ABCA2: variants seen among roughly 807,000 people sequenced by gnomAD.
The protein encoded by ABCA2 is ATP binding cassette subfamily A member 2.
Under a neutral mutation model 262.8 loss-of-function variants are expected in ABCA2, and 84 were observed. The ratio of observed to expected loss-of-function variants is 0.32; its 90% CI spans 0.27 to 0.38. The LOEUF (loss-of-function observed/expected upper bound fraction) is 0.38. Among genes scored for constraint, ABCA2 ranks in the 10% least tolerant of loss-of-function variants. The pLI, the probability that ABCA2 is intolerant of heterozygous loss-of-function variation, is 1.00. For missense variants in ABCA2, 2,662 were observed against 3,405.9 expected (o/e 0.78, Z 5.44); for synonymous variants, 1,696 against 1,502.9 (o/e 1.13, Z -2.97).
chr9:137,018,952 A>G lies in ABCA2; in HGVS notation c.1673T>C (p.Leu558Pro). 1.2e-6 allele frequency: 2 copies of G among 1,612,982 alleles called. No individual in the cohort carries two copies. Among genetic ancestry groups the G allele is most frequent in the Non-Finnish European group, 1.7e-6 (2 of 1,179,874 alleles). Residue 558 changes from leucine to proline, a missense_variant, in exon 12 of 49, where the codon CTG (leucine) becomes CCG (proline). Transcript: ENST00000341511. The part of the protein sequence containing the change: ...LPSGMALLQQ[L>P]DTIDNAACGW... ...GCAGGCCGCGTTGTCAATGGTATCC[A>G]GCTGCTGCAGGAGGGCCATGCCACT... is the stretch of plus-strand genomic sequence containing the variant.
Position 137,025,595 on chromosome 9 carries a change from G to A in ABCA2, c.67-1359C>T, listed in dbSNP as rs564117230. On this transcript the variant is annotated intron_variant, in intron 1 of 48. Coordinates refer to ENST00000341511, the MANE Select transcript of ABCA2 (RefSeq NM_001606.5). ...CCCATGCCCGCCCCAGCCCGTGCCAGCCTCCACCCGCTCCCTGAGCCAGGA... is the reference window on the plus strand; with the variant it reads ...CCCATGCCCGCCCCAGCCCGTGCCAACCTCCACCCGCTCCCTGAGCCAGGA... Among the ~76,000 whole-genome samples, 5 of 152,346 alleles carry A rather than the reference G, an allele frequency of 3.3e-5. No homozygotes were observed. In the South Asian group the frequency reaches 6.2e-4, roughly 19 times the overall value.
chr9:137,013,276 G>T lies in ABCA2; in HGVS notation c.4593C>A (p.Ser1531Arg). Residue 1531 changes from serine (S) to arginine (R), a missense_variant, in exon 30 of 49, where the codon AGC (serine) becomes AGA (arginine). Coordinates refer to ENST00000341511, the MANE Select transcript of ABCA2 (RefSeq NM_001606.5). ...CCACCCCCGACGGCAGCCGGAACGT[G>T]CTCACGAGCTGCTGGGGGCTGGCGT... Reference protein sequence around the residue: ...SPDASPQQLVSTFRLPSGVGA... With the variant: ...SPDASPQQLVRTFRLPSGVGA... The T allele has an allele frequency of 6.3e-6, 10 of 1,584,318 alleles. No individual in the cohort carries two copies. The highest frequency in any genetic ancestry group is 8.5e-6 in the Non-Finnish European group (10 of 1,171,028).
At position 137,017,354 on chromosome 9, in the gene ABCA2, G is replaced by A. The variant is rs780662760; in HGVS notation, c.2403-8C>T. 3 of 1,612,194 alleles carry A rather than the reference G, an allele frequency of 1.9e-6. No homozygotes were observed. The highest frequency in any genetic ancestry group is 2.5e-6 in the Non-Finnish European group (3 of 1,179,754). The stretch of plus-strand genomic sequence containing the variant: ...AGCACAGACACCAGGAAGCTGGGTG[G>A]GCAGGGGCCACGCGCACCGTCATCC... On this transcript the variant is annotated splice_polypyrimidine_tract_variant and splice_region_variant and intron_variant, in intron 17 of 48. Transcript: ENST00000341511.
Position 137,013,555 on chromosome 9 carries a change from G to T in ABCA2, c.4456C>A (p.Pro1486Thr), listed in dbSNP as rs1352121996. 6.2e-7 allele frequency: 1 copy of T among 1,608,366 alleles called. No individual in the cohort carries two copies. Among genetic ancestry groups the T allele is most frequent in the Non-Finnish European group, 8.5e-7 (1 of 1,178,916 alleles). Residue 1486 changes from proline to threonine, a missense_variant, in exon 29 of 49, where the codon CCC (proline) becomes ACC (threonine). By Grantham distance (38) the Pro-to-Thr change is conservative. Around this residue, in one of 12 missense-constraint regions of ABCA2, gnomAD observed 75 missense variants for 118.3 expected, o/e 0.63. Transcript: ENST00000341511. ...TGGGAAGGTGACAGGACCAGCGGGG[G>T]CAGATCACCTGGCAGGGCGAGCAGG... The part of the protein sequence containing the change: ...ALSVPEIGDL[P>T]PLVLSPSQYH...
rs559737748 is a variant in ABCA2 at position 137,012,878 on chromosome 9, C to G, written c.4915G>C (p.Val1639Leu). Residue 1639 changes from valine (V) to leucine (L), a missense_variant, in exon 31 of 49, where the codon GTC becomes CTC. Physicochemically the swap from Val to Leu is conservative, Grantham distance 32. This residue lies in a region of ABCA2 where 192 missense variants were observed against 207.2 expected (regional missense o/e 0.93). Transcript: ENST00000341511. ...CCCTGCGCAGAGCAGGTGCAGCGGA[C>G]GGGCTCCCGTACCAGGCGCGGCAGG... ...PSLPRLVREP[V>L]RCTCSAQGTG... 1.3e-6 allele frequency: 2 copies of G among 1,583,512 alleles called. No homozygotes were observed. The highest frequency in any genetic ancestry group is 2.7e-5 in the African/African-American group (2 of 74,314).
In ABCA2 at chr9:137,012,250, C is replaced by T; in HGVS notation, c.5299+15G>A. ...CTCCTCCCCGCCCCGCCCCGCCCTGCCTATGTCAGCTCACCGTAAGCCGCC... is the reference window on the plus strand; with the variant it reads ...CTCCTCCCCGCCCCGCCCCGCCCTGTCTATGTCAGCTCACCGTAAGCCGCC... On this transcript the variant is annotated intron_variant, in intron 33 of 48. Coordinates refer to ENST00000341511, the MANE Select transcript of ABCA2 (RefSeq NM_001606.5). 1 of 1,595,672 alleles carries T rather than the reference C, an allele frequency of 6.3e-7. No homozygotes were observed. The highest frequency in any genetic ancestry group is 8.6e-7 in the Non-Finnish European group (1 of 1,169,018).
Position 137,009,751 on chromosome 9 carries a change from C to G in ABCA2, c.6630+18G>C, listed in dbSNP as rs765289037. On this transcript the variant is annotated intron_variant, in intron 43 of 48. Transcript: ENST00000341511. ...AGTCAAAGGCCAGGCAGCCACCCCC[C>G]ACCCACCCAGGACTTACCAGGAAGA... 7.5e-6 allele frequency: 12 copies of G among 1,608,860 alleles called. No individual in the cohort carries two copies. Among genetic ancestry groups the G allele is most frequent in the South Asian group, 3.3e-5 (3 of 90,868 alleles).
chr9:137,011,394 G>A lies in ABCA2; in HGVS notation c.5799+13C>T, dbSNP rs765832338. 105 of 1,608,984 alleles carry A rather than the reference G, an allele frequency of 6.5e-5. No individual in the cohort carries two copies. Among genetic ancestry groups the A allele is most frequent in the African/African-American group, 1.1e-4 (8 of 74,868 alleles). On this transcript the variant is annotated intron_variant, in intron 37 of 48. Coordinates refer to ENST00000341511, the MANE Select transcript of ABCA2 (RefSeq NM_001606.5). This position sits in a 1 kb window ranked among gnomAD's most constrained non-coding sequence, Gnocchi z 8.8. ...CAGGGTCCGCCACCCCCACCATGTC[G>A]TCACCGCCCCACCTTGTCGTGCTCG...
In ABCA2 at chr9:137,011,664, G is replaced by A. The variant is rs1831049188; in HGVS notation, c.5621C>T (p.Pro1874Leu). 6.4e-7 allele frequency: 1 copy of A among 1,554,770 alleles called. No individual in the cohort carries two copies. The highest frequency in any genetic ancestry group is 8.7e-7 in the Non-Finnish European group (1 of 1,149,700). The change falls in exon 36 of 49, where the codon CCT becomes CTT. Residue 1874 changes from proline to leucine, a missense_variant. Physicochemically the swap from Pro to Leu is moderately conservative, Grantham distance 98 (BLOSUM62 -3). Transcript: ENST00000341511. This position sits in a 1 kb window ranked among gnomAD's most constrained non-coding sequence, Gnocchi z 8.8. ...LPAYTSPTNF[P>L]AVLSLFLLYG... ...GAGCAGGAAGAGGGAGAGGACGGCAGGGAAGTTGGTGGGCGACGTGTAGGC... is the reference window on the plus strand; with the variant it reads ...GAGCAGGAAGAGGGAGAGGACGGCAAGGAAGTTGGTGGGCGACGTGTAGGC...
intron 46 of ABCA2, 32 bp from the exon 47 acceptor site, chr9:137,008,900 G>GCCCCCCCCCCCCCCCAGCCCCC (rs59031144): frequency 1.3e-6 from 2 of 1,556,492 alleles, no homozygotes; most frequent in Non-Finnish European, 8.7e-7. Context: ...GCCTGGCAGC[G>GCCCCCCCCCCCCCCCAGCCCCC]CCCCCCCACC....
chr9:137,028,715 A>T (rs1467070802), upstream of ABCA2: 1 of 1,255,626 alleles, frequency 8.0e-7, no homozygotes, highest in Non-Finnish European at 1.0e-6. This position sits in a 1 kb window ranked among gnomAD's most constrained non-coding sequence, Gnocchi z 6.9. Context: ...GGTGGTGCCC[A>T]CCTGGAAGGG....
chr9:137,017,590 G>A lies in ABCA2; in HGVS notation c.2314C>T (p.Leu772=). 2 of 1,612,776 alleles carry A rather than the reference G, an allele frequency of 1.2e-6. No individual in the cohort carries two copies. The highest frequency in any genetic ancestry group is 1.7e-6 in the Non-Finnish European group (2 of 1,179,928). The change falls in exon 17 of 49, where the codon CTG becomes TTG. Residue 772 remains leucine, a synonymous_variant. Coordinates refer to ENST00000341511, the MANE Select transcript of ABCA2 (RefSeq NM_001606.5). The part of the protein sequence containing the change: ...SISVTALTAI[L]KYGQVLMHSH... ...TGCATAAGCACCTGGCCGTACTTCAGGATGGCGGTGAGTGCTGTCACGGAG... is the reference window on the plus strand; with the variant it reads ...TGCATAAGCACCTGGCCGTACTTCAAGATGGCGGTGAGTGCTGTCACGGAG...
chr9:137,009,332 G>GGCCCCC, intron 45 of ABCA2, 38 bp downstream of exon 45: 2 of 980,408 alleles, frequency 2.0e-6, no homozygotes, highest in South Asian at 1.4e-5. Context: ...CCCCCCCCGG[G>GGCCCCC]CCCGCCCCAG....
Position 137,016,951 on chromosome 9 carries a change from G to A in ABCA2, c.2727C>T (p.Ile909=), listed in dbSNP as rs768331377. Residue 909 remains isoleucine, a synonymous_variant, in exon 19 of 49, where the codon ATC becomes ATT. Coordinates refer to ENST00000341511, the MANE Select transcript of ABCA2 (RefSeq NM_001606.5). The stretch of plus-strand genomic sequence containing the variant: ...GCACAGCCTCAATGTACCACGTGAG[G>A]ATGCCATAGACCACGGCGTCCACCA... ...MLMVDAVVYG[I]LTWYIEAVHP... is the part of the protein sequence containing the mutation. 2.1e-5 allele frequency: 34 copies of A among 1,612,608 alleles called. No individual in the cohort carries two copies. Among genetic ancestry groups the A allele is most frequent in the East Asian group, 4.5e-5 (2 of 44,878 alleles).
Position 137,016,478 on chromosome 9 carries a change from C to G in ABCA2, c.2924-7G>C. 2.5e-6 allele frequency: 4 copies of G among 1,612,722 alleles called. No individual in the cohort carries two copies. Among genetic ancestry groups the G allele is most frequent in the Non-Finnish European group, 3.4e-6 (4 of 1,179,924 alleles). On this transcript the variant is annotated splice_polypyrimidine_tract_variant and splice_region_variant and intron_variant, in intron 20 of 48. Transcript: ENST00000341511. ...TCCATGCCACGGGTCTCCTCTGCAC[C>G]AGGGCTGTGGATCAGCAGGGTGGGG...
At chr9:137,009,335 C>A in intron 45 of ABCA2, 35 bp downstream of exon 45, 1 of 1,168,386 alleles carries the variant, frequency 8.6e-7, no homozygotes, top group Non-Finnish European at 1.2e-6. Flanking sequence ...CCCCCGGGCC[C>A]GCCCCAGCCC....
intron 24 of ABCA2, 135 bp downstream of exon 24, chr9:137,015,279 G>C (rs1831216558): frequency 8.0e-7 from 1 of 1,247,710 alleles, no homozygotes; most frequent in East Asian, 2.6e-5. Context: ...CGTTGCAGAG[G>C]GCGGGCCAGG....
At position 137,014,334 on chromosome 9, in the gene ABCA2, G is replaced by A; in HGVS notation, c.4074C>T (p.Gly1358=). ...EGPASGEGHA[G]NLARCSELTQ... The stretch of plus-strand genomic sequence containing the variant: ...TCAGCTCCGAGCACCGGGCCAGATT[G>A]CCAGCGTGACCCTCCCCAGACGCCG... Residue 1358 remains glycine, a synonymous_variant, in exon 27 of 49, where the codon GGC becomes GGT. Transcript: ENST00000341511. The A allele has an allele frequency of 6.2e-7, 1 of 1,608,054 alleles. No homozygotes were observed. Among genetic ancestry groups the A allele is most frequent in the Non-Finnish European group, 8.5e-7 (1 of 1,177,890 alleles).
upstream of ABCA2, among the ~76,000 whole-genome samples, chr9:137,028,540 G>C (rs1336000735): frequency 2.0e-5 from 3 of 151,906 alleles, no homozygotes; most frequent in Non-Finnish European, 2.9e-5. This position sits in a 1 kb window ranked among gnomAD's most constrained non-coding sequence, Gnocchi z 6.9. Flanking sequence ...CGGGCGCTGC[G>C]CTCTTCTCCC....
Sources: allele counts gnomAD v4.1 joint callset (sites outside exome capture counted in the v4.1 genomes callset), GRCh38; gene constraint gnomAD v4.1.1; regional missense constraint gnomAD v4.1.1; non-coding constraint Gnocchi (gnomAD v3.1); transcripts MANE v1.5; gene names NCBI Gene and HGNC (gene_info 2026-07-23, HGNC 2026-07-21).